Variants in DOP1A observed in about 807,000 individuals in gnomAD.
DOP1A encodes the protein protein DOP1A.
Under a neutral mutation model 267.6 loss-of-function variants are expected in DOP1A, and 90 were observed. That is an observed-to-expected ratio of 0.34 (90% CI 0.28 to 0.40). DOP1A has a LOEUF of 0.40. Ranked by LOEUF, DOP1A falls within the 10% of genes least tolerant of loss-of-function variation. DOP1A has a pLI of 1.00. For missense variants in DOP1A, 2,437 were observed against 2,900.4 expected (o/e 0.84, Z 3.67); for synonymous variants, 932 against 999.1 (o/e 0.93, Z 1.27).
intron 4 of DOP1A, among the ~76,000 whole-genome samples, chr6:83,104,926 G>A (rs1306991978): frequency 6.6e-6 from 1 of 151,570 alleles, no homozygotes; most frequent in Non-Finnish European, 1.5e-5. Flanking sequence ...CCTTTCTACT[G>A]TGTATGTGTT....
intron 1 of DOP1A, among the ~76,000 whole-genome samples, chr6:83,077,748 T>C (rs1333239269): frequency 6.6e-6 from 1 of 152,220 alleles, no homozygotes; most frequent in Non-Finnish European, 1.5e-5. Flanking sequence ...TATACTGTCA[T>C]GTAAGCCATG....
At chr6:83,123,515 A>C (rs1776672353) in intron 12 of DOP1A, among the ~76,000 whole-genome samples, 1 of 152,056 alleles carries the variant, frequency 6.6e-6, no homozygotes, top group African/African-American at 2.4e-5. Context: ...GATCCTCTCA[A>C]CCAGATTAAC....
At chr6:83,149,180 A>C (rs2128316032) in intron 27 of DOP1A, among the ~76,000 whole-genome samples, 1 of 152,274 alleles carries the variant, frequency 6.6e-6, no homozygotes, top group Middle Eastern at 3.4e-3. Context: ...GCATGGCTGA[A>C]GGGGAACTTC....
At chr6:83,132,111 T>C in intron 17 of DOP1A, 65 bp from the exon 18 acceptor site, 1 of 1,553,528 alleles carries the variant, frequency 6.4e-7, no homozygotes, top group South Asian at 1.2e-5. Context: ...TTGTACCTAA[T>C]AGGAAATATT....
Position 83,168,427 on chromosome 6 carries a change from A to C in DOP1A, c.*260A>C. On this transcript the variant is annotated 3_prime_UTR_variant, in exon 39 of 39. Coordinates refer to ENST00000349129, the MANE Select transcript of DOP1A (RefSeq NM_015018.4). ...AAAGTCCATTGTTTTTATTGTCCTG[A>C]GTTGTCTTAAACCTGCAAAATATAC... The C allele has an allele frequency of 2.6e-6, 3 of 1,162,160 alleles. No individual in the cohort carries two copies. Among genetic ancestry groups the C allele is most frequent in the Non-Finnish European group, 3.2e-6 (3 of 942,584 alleles). The allele number at this position is 1,162,160 out of a possible 1,614,324, so 72.0% of individuals were successfully genotyped here. A position where few individuals can be genotyped will look rare whatever the true frequency, so the allele number is the denominator to read the frequency against.
At chr6:83,152,107 A>T in intron 29 of DOP1A, 80 bp downstream of exon 29, 1 of 1,517,464 alleles carries the variant, frequency 6.6e-7, no homozygotes, top group Non-Finnish European at 9.0e-7. Context: ...TAGCACTATA[A>T]GTACCACAAA....
rs772845309 is a variant in DOP1A, at chr6:83,166,494, T to A, written c.7093-1368T>A. 4 of 697,930 alleles carry A rather than the reference T, an allele frequency of 5.7e-6. No individual in the cohort carries two copies. The South Asian group carries it at 6.1e-5, about 11-fold the overall frequency. 43.2% of individuals were successfully genotyped at this position (697,930 alleles called of 1,614,324 possible). The stretch of plus-strand genomic sequence containing the variant: ...ATTTTGAACTCAGAAAATCGCTAAA[T>A]TTGATTTTTGTCTAACATCATTTCC... On this transcript the variant is annotated intron_variant, in intron 38 of 38. Coordinates refer to ENST00000349129, the MANE Select transcript of DOP1A (RefSeq NM_015018.4).
At chr6:83,113,171 A>G in intron 6 of DOP1A, 152 bp from the exon 7 acceptor site, 1 of 526,134 alleles carries the variant, frequency 1.9e-6, no homozygotes, top group Non-Finnish European at 3.3e-6. Flanking sequence ...AACCATCATT[A>G]TATATATACT....
At chr6:83,146,112 A>T (rs1438517938) in intron 25 of DOP1A, among the ~76,000 whole-genome samples, 3 of 152,224 alleles carry the variant, frequency 2.0e-5, no homozygotes, top group Non-Finnish European at 4.4e-5. Flanking sequence ...GACCATGTAT[A>T]ATACTGTGCT....
intron 24 of DOP1A, among the ~76,000 whole-genome samples, chr6:83,144,980 G>A (rs1780268821): frequency 6.8e-6 from 1 of 147,176 alleles, no homozygotes; most frequent in Non-Finnish European, 1.5e-5. Context: ...TGGCATGCCT[G>A]TGGTCTCAGC....
At chr6:83,150,768 A>C (rs1781497411) in intron 27 of DOP1A, among the ~76,000 whole-genome samples, 1 of 152,220 alleles carries the variant, frequency 6.6e-6, no homozygotes, top group South Asian at 2.1e-4. Context: ...TTATGGGAAG[A>C]AATCATTTCT....
chr6:83,119,698 C>A, intron 8 of DOP1A, 50 bp from the exon 9 acceptor site: 1 of 1,517,224 alleles, frequency 6.6e-7, no homozygotes, highest in Non-Finnish European at 9.1e-7. Context: ...TAGTGAACAA[C>A]AGTTTTGAGA....
chr6:83,070,309 A>G (rs1350855113), intron 1 of DOP1A, among the ~76,000 whole-genome samples: 1 of 152,242 alleles, frequency 6.6e-6, no homozygotes, highest in African/African-American at 2.4e-5. Context: ...TTGTATGAAA[A>G]TATGATACCC....
downstream of DOP1A, chr6:83,170,601 C>G: frequency 2.6e-6 from 2 of 773,594 alleles, no homozygotes; most frequent in Non-Finnish European, 4.2e-6. Flanking sequence ...ACTTCTTTCT[C>G]CAAGGTCAGG....
chr6:83,135,877 T>C lies in DOP1A; in HGVS notation c.3129T>C (p.Asn1043=), dbSNP rs775703257. The change falls in exon 20 of 39, where the codon AAT becomes AAC. Residue 1043 remains asparagine, a splice_region_variant and synonymous_variant. Transcript: ENST00000349129. ...TCATGCAAAATTTTGCCTGCAGCAA[T>C]GGTGAATAACACATAGAAGTAGACA... ...KHFMQNFACS[N]VSQVQLITSK... is the part of the protein sequence containing the mutation. 5.6e-6 allele frequency: 9 copies of C among 1,613,318 alleles called. No homozygotes were observed. Among genetic ancestry groups the C allele is most frequent in the Non-Finnish European group, 6.8e-6 (8 of 1,179,470 alleles).
chr6:83,157,076 G>A, intron 34 of DOP1A, 106 bp from the exon 35 acceptor site: 1 of 1,130,268 alleles, frequency 8.8e-7, no homozygotes, highest in Non-Finnish European at 1.2e-6. Flanking sequence ...TTTTTTTAAA[G>A]TTTATCCTTT....
At chr6:83,076,513 GA>G (rs1180338167) in intron 1 of DOP1A, among the ~76,000 whole-genome samples, 3 of 147,334 alleles carry the variant, frequency 2.0e-5, no homozygotes, top group Non-Finnish European at 4.5e-5. Context: ...CATCTCAAAA[GA>G]AAAAAAAATG....
rs117124341 is a variant in DOP1A, at chr6:83,126,236, C to T, written c.1719+503C>T. On this transcript the variant is annotated intron_variant, in intron 15 of 38. Coordinates refer to ENST00000349129, the MANE Select transcript of DOP1A (RefSeq NM_015018.4). ...GGTGAGCCACAACAGTATAAATAAC[C>T]AATTAGGGAAGGGTAGGTATATGTA... Among the ~76,000 whole-genome samples the T allele has an allele frequency of 1.7e-4, 26 of 151,528 alleles. No individual in the cohort carries two copies. The East Asian group carries it at 4.9e-3, about 28-fold the overall frequency.
chr6:83,128,757 G>T, intron 15 of DOP1A, 130 bp from the exon 16 acceptor site: 2 of 1,027,010 alleles, frequency 1.9e-6, no homozygotes, highest in Non-Finnish European at 2.7e-6. Context: ...GTGTGGGGCT[G>T]CTTTAAGAGT....
Sources: allele counts gnomAD v4.1 joint callset (sites outside exome capture counted in the v4.1 genomes callset), GRCh38; gene constraint gnomAD v4.1.1; transcripts MANE v1.5; gene names NCBI Gene and HGNC (gene_info 2026-07-23, HGNC 2026-07-21).